Variants in HOXA6 observed in about 807,000 individuals in gnomAD.
HOXA6 encodes homeobox protein Hox-A6.
HOXA6 carries 19 observed loss-of-function variants against 23.2 expected under a neutral mutation model. The ratio of observed to expected loss-of-function variants is 0.82; its 90% CI spans 0.57 to 1.20. HOXA6 has a LOEUF of 1.20. Among genes scored for constraint, HOXA6 ranks in the 50% most tolerant of loss-of-function variants. The pLI is 0.00. For missense variants in HOXA6, 346 were observed against 313.6 expected (o/e 1.10, Z -0.78); for synonymous variants, 140 against 132.6 (o/e 1.06, Z -0.38).
rs771409970 is a variant in HOXA6 at position 27,147,678 on chromosome 7, C to G, written c.72G>C (p.Gln24His). ...CATAGCCAGCCTGGTAGAGGGGCAG[C>G]TGGCCCAAGAAGGAGTCCTGGCCGC... ...LPSGQDSFLG[Q>H]LPLYQAGYDA... is the part of the protein sequence containing the mutation. The change falls in exon 1 of 2, where the codon CAG becomes CAC. Residue 24 changes from glutamine to histidine, a missense_variant. Transcript: ENST00000222728. The G allele has an allele frequency of 7.4e-6, 12 of 1,613,844 alleles. No individual in the cohort carries two copies. The Admixed American group carries it at 1.8e-4, about 25-fold the overall frequency.
chr7:27,147,572 G>T lies in HOXA6; in HGVS notation c.178C>A (p.Gln60Lys). 1 of 1,614,260 alleles carries T rather than the reference G, an allele frequency of 6.2e-7. No individual in the cohort carries two copies. The highest frequency in any genetic ancestry group is 8.5e-7 in the Non-Finnish European group (1 of 1,180,048). The change falls in exon 1 of 2, where the codon CAG (glutamine) becomes AAG (lysine). Residue 60 changes from glutamine (Q) to lysine (K), a missense_variant. Gln to Lys is a moderately conservative substitution (Grantham distance 53). Coordinates refer to ENST00000222728, the MANE Select transcript of HOXA6 (RefSeq NM_024014.4). ...KTYTSPCFYQ[Q>K]SNSVLACNRA... Reference sequence around the variant, plus strand: ...TTGCAGGCCAGGACCGAGTTGGACTGTTGGTAGAAACAAGGTGAGGTGTAC... The same window carrying T: ...TTGCAGGCCAGGACCGAGTTGGACTTTTGGTAGAAACAAGGTGAGGTGTAC...
chr7:27,145,560 A>G lies in HOXA6; in HGVS notation c.*98T>C, dbSNP rs1782727939. The G allele has an allele frequency of 6.8e-7, 1 of 1,474,396 alleles. No homozygotes were observed. Among genetic ancestry groups the G allele is most frequent in the Non-Finnish European group, 9.1e-7 (1 of 1,096,930 alleles). 91.3% of individuals were successfully genotyped at this position (1,474,396 alleles called of 1,614,324 possible). A position where few individuals can be genotyped will look rare whatever the true frequency, so the allele number is the denominator to read the frequency against. Reference sequence around the variant, plus strand: ...CTCCCCTGAAGCTGCGGAAGCCCCCAGATGGGAGCAGGCGGGGAGAAAAGT... The same window carrying G: ...CTCCCCTGAAGCTGCGGAAGCCCCCGGATGGGAGCAGGCGGGGAGAAAAGT... On this transcript the variant is annotated 3_prime_UTR_variant, in exon 2 of 2. Transcript: ENST00000222728.
At chr7:27,147,013 G>A in intron 1 of HOXA6, 1 of 481,592 alleles carries the variant, frequency 2.1e-6, no homozygotes, top group Non-Finnish European at 3.7e-6. Context: ...CTCCCCACCA[G>A]CCTCTCTCTC....
At position 27,145,816 on chromosome 7, in the gene HOXA6, G is replaced by C. The variant is rs751072208; in HGVS notation, c.544C>G (p.Arg182Gly). ...TTGGCGATCTCGATGCGGCGGCGCC[G>C]TGTCAGGTAGCGGTTGAAGTGGAAC... Reference protein sequence around the residue: ...KEFHFNRYLTRRRRIEIANAL... With the variant: ...KEFHFNRYLTGRRRIEIANAL... Residue 182 changes from arginine (R) to glycine (G), a missense_variant, in exon 2 of 2, where the codon CGG (arginine) becomes GGG (glycine). Physicochemically the swap from Arg to Gly is moderately radical, Grantham distance 125 (BLOSUM62 -2). Coordinates refer to ENST00000222728, the MANE Select transcript of HOXA6 (RefSeq NM_024014.4). The C allele has an allele frequency of 6.2e-7, 1 of 1,614,270 alleles. No homozygotes were observed. The highest frequency in any genetic ancestry group is 8.5e-7 in the Non-Finnish European group (1 of 1,180,052).
At chr7:27,146,005 A>G in intron 1 of HOXA6, 88 bp from the exon 2 acceptor site, 1 of 1,447,106 alleles carries the variant, frequency 6.9e-7, no homozygotes, top group Non-Finnish European at 9.2e-7. Flanking sequence ...AGGCACCCAG[A>G]CTAGAAACCA....
At chr7:27,146,821 G>A (rs552080096) in intron 1 of HOXA6, among the ~76,000 whole-genome samples, 2 of 152,352 alleles carry the variant, frequency 1.3e-5, no homozygotes, top group South Asian at 2.1e-4. Context: ...TGGGGCTGTG[G>A]CCCTCCAAGG....
chr7:27,146,848 G>T (rs1254193720), intron 1 of HOXA6, among the ~76,000 whole-genome samples: 2 of 152,238 alleles, frequency 1.3e-5, no homozygotes, highest in Non-Finnish European at 1.5e-5. Context: ...GGAGACACTG[G>T]AAGAGGCCAA....
At position 27,147,627 on chromosome 7, in the gene HOXA6, C is replaced by A; in HGVS notation, c.123G>T (p.Ser41=). ...GYDALRPFPA[S]YGASSLPDKT... ...TGTCCGGGAGACTCGACGCCCCGTA[C>A]GAGGCCGGGAAGGGCCTCAGCGCGT... The change falls in exon 1 of 2, where the codon TCG becomes TCT. Residue 41 remains serine (S), a synonymous_variant. Coordinates refer to ENST00000222728, the MANE Select transcript of HOXA6 (RefSeq NM_024014.4). The A allele has an allele frequency of 6.2e-7, 1 of 1,614,222 alleles. No homozygotes were observed. Among genetic ancestry groups the A allele is most frequent in the Non-Finnish European group, 8.5e-7 (1 of 1,180,050 alleles).
intron 1 of HOXA6, 141 bp from the exon 2 acceptor site, chr7:27,146,058 A>G (rs1305037001): frequency 1.1e-5 from 10 of 946,754 alleles, no homozygotes; most frequent in South Asian, 6.7e-5. Context: ...CTGGGGCCCA[A>G]AGCATACTGA....
At chr7:27,147,232 ACT>A (rs111650412) in intron 1 of HOXA6, 74 bp downstream of exon 1, 1 of 1,341,890 alleles carries the variant, frequency 7.5e-7, no homozygotes, top group Non-Finnish European at 1.0e-6. Context: ...TCCTCTTTCT[ACT>A]CTGTTTCCTC....
At position 27,145,898 on chromosome 7, in the gene HOXA6, A is replaced by G; in HGVS notation, c.462T>C (p.His154=). 6.8e-6 allele frequency: 11 copies of G among 1,613,190 alleles called. No homozygotes were observed. Among genetic ancestry groups the G allele is most frequent in the Non-Finnish European group, 9.3e-6 (11 of 1,179,646 alleles). The part of the protein sequence containing the change: ...NSCAGAVYGS[H]GRRGRQTYTR... ...TGTAGGTCTGGCGGCCTCGGCGCCCATGGCTCCCATACACAGCACCTACGA... is the reference window on the plus strand; with the variant it reads ...TGTAGGTCTGGCGGCCTCGGCGCCCGTGGCTCCCATACACAGCACCTACGA... Residue 154 remains histidine, a synonymous_variant, in exon 2 of 2, where the codon CAT becomes CAC. Transcript: ENST00000222728.
Position 27,145,788 on chromosome 7 carries a change from G to C in HOXA6, c.572C>G (p.Ala191Gly), listed in dbSNP as rs899753603. The change falls in exon 2 of 2, where the codon GCG becomes GGG. Residue 191 changes from alanine to glycine, a missense_variant. By Grantham distance (60) the Ala-to-Gly change is moderately conservative (BLOSUM62 0). Transcript: ENST00000222728. Reference sequence around the variant, plus strand: ...GATCTGGCGCTCGGTGAGGCAGAGCGCGTTGGCGATCTCGATGCGGCGGCG... The same window carrying C: ...GATCTGGCGCTCGGTGAGGCAGAGCCCGTTGGCGATCTCGATGCGGCGGCG... ...TRRRRIEIAN[A>G]LCLTERQIKI... 2.5e-6 allele frequency: 4 copies of C among 1,614,262 alleles called. No individual in the cohort carries two copies. Among genetic ancestry groups the C allele is most frequent in the Non-Finnish European group, 3.4e-6 (4 of 1,180,050 alleles).
intron 1 of HOXA6, 97 bp from the exon 2 acceptor site, chr7:27,146,014 C>A: frequency 7.3e-7 from 1 of 1,375,788 alleles, no homozygotes; most frequent in East Asian, 2.4e-5. Context: ...GACTAGAAAC[C>A]ACCCCGCCTC....
At chr7:27,146,513 A>G (rs1387524474) in intron 1 of HOXA6, among the ~76,000 whole-genome samples, 1 of 152,222 alleles carries the variant, frequency 6.6e-6, no homozygotes, top group African/African-American at 2.4e-5. Flanking sequence ...AATTTTAACA[A>G]TCCGCATTAG....
At position 27,146,571 on chromosome 7, in the gene HOXA6, T is replaced by C. The variant is rs184571487; in HGVS notation, c.443-654A>G. Among the ~76,000 whole-genome samples, 1,492 of 152,124 alleles carry C rather than the reference T, an allele frequency of 9.8e-3. 30 individuals are homozygous for C. The highest frequency in any genetic ancestry group is 0.019 in the Admixed American group (297 of 15,292). On this transcript the variant is annotated intron_variant, in intron 1 of 1. Transcript: ENST00000222728. ...GGAGTCTTTGGGATTCCCTGTGGAG[T>C]CCTTGGAAACCAGAGGCTAAGAGAT...
rs1782821307 is a variant in HOXA6, at chr7:27,147,613, C to G, written c.137G>C (p.Ser46Thr). The G allele has an allele frequency of 6.2e-7, 1 of 1,614,124 alleles. No homozygotes were observed. Among genetic ancestry groups the G allele is most frequent in the African/African-American group, 1.3e-5 (1 of 74,940 alleles). Residue 46 changes from serine to threonine, a missense_variant, in exon 1 of 2, where the codon AGT (serine) becomes ACT (threonine). Transcript: ENST00000222728. Reference protein sequence around the residue: ...RPFPASYGASSLPDKTYTSPC... With the variant: ...RPFPASYGASTLPDKTYTSPC... ...TGAGGTGTACGTCTTGTCCGGGAGACTCGACGCCCCGTACGAGGCCGGGAA... is the reference window on the plus strand; with the variant it reads ...TGAGGTGTACGTCTTGTCCGGGAGAGTCGACGCCCCGTACGAGGCCGGGAA...
chr7:27,147,668 A>G lies in HOXA6; in HGVS notation c.82T>C (p.Tyr28His). 8.1e-6 allele frequency: 13 copies of G among 1,614,114 alleles called. No homozygotes were observed. The highest frequency in any genetic ancestry group is 4.5e-5 in the East Asian group (2 of 44,882). ...CTCAGCGCGTCATAGCCAGCCTGGTAGAGGGGCAGCTGGCCCAAGAAGGAG... is the reference window on the plus strand; with the variant it reads ...CTCAGCGCGTCATAGCCAGCCTGGTGGAGGGGCAGCTGGCCCAAGAAGGAG... Reference protein sequence around the residue: ...QDSFLGQLPLYQAGYDALRPF... With the variant: ...QDSFLGQLPLHQAGYDALRPF... The change falls in exon 1 of 2, where the codon TAC becomes CAC. Residue 28 changes from tyrosine to histidine, a missense_variant. Coordinates refer to ENST00000222728, the MANE Select transcript of HOXA6 (RefSeq NM_024014.4).
chr7:27,145,727 T>C lies in HOXA6; in HGVS notation c.633A>G (p.Lys211=), dbSNP rs1262088801. ...IWFQNRRMKW[K]KENKLINSTQ... ...TGGAATTGATGAGCTTGTTTTCCTT[T>C]TTCCACTTCATGCGGCGGTTCTGGA... Residue 211 remains lysine, a synonymous_variant, in exon 2 of 2, where the codon AAA becomes AAG. Coordinates refer to ENST00000222728, the MANE Select transcript of HOXA6 (RefSeq NM_024014.4). 8 of 1,614,224 alleles carry C rather than the reference T, an allele frequency of 5.0e-6. No homozygotes were observed. Among genetic ancestry groups the C allele is most frequent in the Non-Finnish European group, 6.8e-6 (8 of 1,180,048 alleles).
At chr7:27,146,910 G>C (rs779344317) in intron 1 of HOXA6, among the ~76,000 whole-genome samples, 1 of 152,204 alleles carries the variant, frequency 6.6e-6, no homozygotes, top group Non-Finnish European at 1.5e-5. Context: ...GAGGGGGTTG[G>C]GAAGCAAAGG....
Sources: allele counts gnomAD v4.1 joint callset (sites outside exome capture counted in the v4.1 genomes callset), GRCh38; gene constraint gnomAD v4.1.1; transcripts MANE v1.5; gene names NCBI Gene and HGNC (gene_info 2026-07-23, HGNC 2026-07-21).